MAP3K10: variants seen among roughly 807,000 people sequenced by gnomAD.
MAP3K10 encodes MKN28 derived nonreceptor_type serine/threonine kinase.
Under a neutral mutation model 75.0 loss-of-function variants are expected in MAP3K10, and 22 were observed. That is an observed-to-expected ratio of 0.29 (90% CI 0.21 to 0.42). MAP3K10 has a LOEUF of 0.42. Ranked by LOEUF, MAP3K10 falls within the 10% of genes least tolerant of loss-of-function variation. The pLI, the probability that MAP3K10 is intolerant of heterozygous loss-of-function variation, is 1.00. For synonymous variants in MAP3K10, 599 were observed against 612.9 expected (o/e 0.98, Z 0.34); for missense variants, 1,165 against 1,379.8 (o/e 0.84, Z 2.47).
chr19:40,196,338 C>T (rs1392325710), intron 1 of MAP3K10, among the ~76,000 whole-genome samples: 1 of 152,142 alleles, frequency 6.6e-6, no homozygotes, highest in African/African-American at 2.4e-5. Flanking sequence ...TTCTGAGCCT[C>T]TGTTAGCTAG....
chr19:40,215,326 G>A lies in MAP3K10; in HGVS notation c.*34G>A, dbSNP rs766677910. On this transcript the variant is annotated 3_prime_UTR_variant, in exon 10 of 10. Transcript: ENST00000253055. The stretch of plus-strand genomic sequence containing the variant: ...CACCACCGCCCGCCTGGGCAGCCAT[G>A]AATGTAGCGCCCCAGGCCCTGCCCC... The A allele has an allele frequency of 1.3e-6, 2 of 1,509,962 alleles. No homozygotes were observed. The highest frequency in any genetic ancestry group is 2.5e-5 in the South Asian group (2 of 80,198). The allele number at this position is 1,509,962 out of a possible 1,614,324, so 93.5% of individuals were successfully genotyped here. A position where few individuals can be genotyped will look rare whatever the true frequency, so the allele number is the denominator to read the frequency against.
chr19:40,206,281 T>C, intron 5 of MAP3K10, 124 bp downstream of exon 5: 1 of 1,244,122 alleles, frequency 8.0e-7, no homozygotes. Flanking sequence ...ACATAGTCAG[T>C]GATCAGCCCA....
chr19:40,212,738 C>T lies in MAP3K10; in HGVS notation c.1553-67C>T, dbSNP rs1239127032. The T allele has an allele frequency of 4.5e-6, 7 of 1,547,292 alleles. No homozygotes were observed. In the East Asian group the frequency reaches 1.7e-4, roughly 37 times the overall value. Reference sequence around the variant, plus strand: ...GGAGGGTGGGCCTGAGCTGGGGGCACTGGAGGCTGGGAGCCCAGTGGGGAC... The same window carrying T: ...GGAGGGTGGGCCTGAGCTGGGGGCATTGGAGGCTGGGAGCCCAGTGGGGAC... On this transcript the variant is annotated intron_variant, in intron 6 of 9. Transcript: ENST00000253055. This position sits in a 1 kb window ranked among gnomAD's most constrained non-coding sequence, Gnocchi z 4.2.
At chr19:40,203,595 C>T (rs1456835224) in intron 2 of MAP3K10, among the ~76,000 whole-genome samples, 1 of 152,242 alleles carries the variant, frequency 6.6e-6, no homozygotes, top group Non-Finnish European at 1.5e-5. Flanking sequence ...TGACCTTGGG[C>T]AAGCCCCTTA....
At position 40,191,763 on chromosome 19, in the gene MAP3K10, A is replaced by T; in HGVS notation, c.-269A>T. The T allele has an allele frequency of 2.8e-6, 1 of 352,060 alleles. No individual in the cohort carries two copies. The highest frequency in any genetic ancestry group is 5.1e-6 in the Non-Finnish European group (1 of 196,922). The allele number at this position is 352,060 out of a possible 1,614,324, so 21.8% of individuals were successfully genotyped here. On this transcript the variant is annotated 5_prime_UTR_variant, in exon 1 of 10. It removes the in-frame stop codon of an upstream open reading frame in the 5' UTR. Coordinates refer to ENST00000253055, the MANE Select transcript of MAP3K10 (RefSeq NM_002446.4). ...GAGAGCCGCGCGGCCAGGCCCTCTT[A>T]GCCCTCTGCCGTTTGGGGGGCACGG...
At position 40,215,320 on chromosome 19, in the gene MAP3K10, A is replaced by G; in HGVS notation, c.*28A>G. On this transcript the variant is annotated 3_prime_UTR_variant, in exon 10 of 10. Coordinates refer to ENST00000253055, the MANE Select transcript of MAP3K10 (RefSeq NM_002446.4). ...CCTGCCCACCACCGCCCGCCTGGGC[A>G]GCCATGAATGTAGCGCCCCAGGCCC... is the stretch of plus-strand genomic sequence containing the variant. 1 of 1,520,324 alleles carries G rather than the reference A, an allele frequency of 6.6e-7. No individual in the cohort carries two copies. 94.2% of individuals were successfully genotyped at this position (1,520,324 alleles called of 1,614,324 possible).
intron 9 of MAP3K10, among the ~76,000 whole-genome samples, chr19:40,214,709 C>A (rs996282808): frequency 9.2e-5 from 14 of 152,212 alleles, no homozygotes; most frequent in African/African-American, 3.4e-4. Flanking sequence ...AGGGCTTTGG[C>A]CCCCGAGGCT....
In MAP3K10 at chr19:40,212,926, G is replaced by T. The variant is rs375485459; in HGVS notation, c.1674G>T (p.Thr558=). The stretch of plus-strand genomic sequence containing the variant: ...TCGGGGGCAAGAAGAAGGGACGAAC[G>T]TGGGGGCCCAGCTCCACCCTGCAGA... ...ELVGGKKKGR[T]WGPSSTLQKE... is the part of the protein sequence containing the mutation. The change falls in exon 7 of 10, where the codon ACG becomes ACT. Residue 558 remains threonine, a synonymous_variant. Coordinates refer to ENST00000253055, the MANE Select transcript of MAP3K10 (RefSeq NM_002446.4). This position sits in a 1 kb window ranked among gnomAD's most constrained non-coding sequence, Gnocchi z 4.2. 2 of 1,612,616 alleles carry T rather than the reference G, an allele frequency of 1.2e-6. No homozygotes were observed. Among genetic ancestry groups the T allele is most frequent in the African/African-American group, 1.3e-5 (1 of 74,920 alleles).
Position 40,214,095 on chromosome 19 carries a change from C to T in MAP3K10, c.2416C>T (p.Pro806Ser), listed in dbSNP as rs1018151991. 2 of 1,566,172 alleles carry T rather than the reference C, an allele frequency of 1.3e-6. No homozygotes were observed. Among genetic ancestry groups the T allele is most frequent in the Non-Finnish European group, 1.7e-6 (2 of 1,164,332 alleles). ...GGAGCTGGAGAGCTTCAAGAAGGACCCCCGCCAGTCGCTCACGCCCACCCA... is the reference window on the plus strand; with the variant it reads ...GGAGCTGGAGAGCTTCAAGAAGGACTCCCGCCAGTCGCTCACGCCCACCCA... ...DLELESFKKD[P>S]RQSLTPTHVT... The change falls in exon 9 of 10, where the codon CCC becomes TCC. Residue 806 changes from proline to serine, a missense_variant. Pro to Ser is a moderately conservative substitution (Grantham distance 74). Transcript: ENST00000253055.
Position 40,214,094 on chromosome 19 carries a change from C to A in MAP3K10, c.2415C>A (p.Asp805Glu). The change falls in exon 9 of 10, where the codon GAC (aspartate) becomes GAA (glutamate). Residue 805 changes from aspartate to glutamate, a missense_variant. Physicochemically the swap from Asp to Glu is conservative, Grantham distance 45 (BLOSUM62 2). Transcript: ENST00000253055. ...VDLELESFKK[D>E]PRQSLTPTHV... ...TGGAGCTGGAGAGCTTCAAGAAGGA[C>A]CCCCGCCAGTCGCTCACGCCCACCC... 1.3e-6 allele frequency: 2 copies of A among 1,563,756 alleles called. No homozygotes were observed. The highest frequency in any genetic ancestry group is 1.7e-6 in the Non-Finnish European group (2 of 1,163,036).
chr19:40,210,049 C>T (rs1219846705), intron 6 of MAP3K10, among the ~76,000 whole-genome samples: 3 of 151,578 alleles, frequency 2.0e-5, no homozygotes, highest in Non-Finnish European at 4.4e-5. Flanking sequence ...AGGCGGATCA[C>T]GAGGTCAGGA....
At chr19:40,202,836 C>T (rs1274730835) in intron 2 of MAP3K10, among the ~76,000 whole-genome samples, 1 of 152,100 alleles carries the variant, frequency 6.6e-6, no homozygotes, top group Non-Finnish European at 1.5e-5. Flanking sequence ...TACACCCCCT[C>T]CTACATCCCA....
intron 1 of MAP3K10, among the ~76,000 whole-genome samples, chr19:40,197,892 C>T (rs1972939766): frequency 6.6e-6 from 1 of 151,924 alleles, no homozygotes; most frequent in Non-Finnish European, 1.5e-5. Context: ...AGTGCAATGG[C>T]AAGACCATGG....
chr19:40,192,783 C>A lies in MAP3K10; in HGVS notation c.682+70C>A. The A allele has an allele frequency of 8.0e-7, 1 of 1,253,934 alleles. No homozygotes were observed. The highest frequency in any genetic ancestry group is 1.1e-6 in the Non-Finnish European group (1 of 927,966). The allele number at this position is 1,253,934 out of a possible 1,614,324, so 77.7% of individuals were successfully genotyped here. A position where few individuals can be genotyped will look rare whatever the true frequency, so the allele number is the denominator to read the frequency against. ...AAGGCCAGGCCTAGGTGGTGGGAAA[C>A]AGGGTGAGGGACACCAGATGACACT... On this transcript the variant is annotated intron_variant, in intron 1 of 9. Transcript: ENST00000253055. The surrounding 1 kb of genome is among the most constrained non-coding windows in gnomAD (Gnocchi z 7.1).
At chr19:40,203,542 G>A (rs1973063910) in intron 2 of MAP3K10, among the ~76,000 whole-genome samples, 1 of 152,176 alleles carries the variant, frequency 6.6e-6, no homozygotes, top group East Asian at 1.9e-4. Context: ...TGGGCAGCAG[G>A]CAGACCTGAG....
chr19:40,193,364 GAATTA>G (rs1014921406), intron 1 of MAP3K10, among the ~76,000 whole-genome samples: 13 of 152,216 alleles, frequency 8.5e-5, no homozygotes, highest in African/African-American at 3.1e-4. Context: ...GATGAGGGAG[GAATTA>G]AATTGATGTG....
chr19:40,198,487 G>T lies in MAP3K10; in HGVS notation c.795G>T (p.Gly265=), dbSNP rs185792702. The T allele has an allele frequency of 1.2e-6, 2 of 1,614,190 alleles. No homozygotes were observed. Among genetic ancestry groups the T allele is most frequent in the East Asian group, 4.5e-5 (2 of 44,880 alleles). The change falls in exon 2 of 10, where the codon GGG becomes GGT. Residue 265 remains glycine, a synonymous_variant. Transcript: ENST00000253055. The surrounding 1 kb of genome is among the most constrained non-coding windows in gnomAD (Gnocchi z 4.3). The part of the protein sequence containing the change: ...WHKTTKMSAA[G]TYAWMAPEVI... ...AGACCACCAAGATGAGCGCTGCGGG[G>T]ACCTACGCCTGGATGGCGCCGGAGG...
In MAP3K10 at chr19:40,198,798, G is replaced by T. The variant is rs563626895; in HGVS notation, c.863+243G>T. On this transcript the variant is annotated intron_variant, in intron 2 of 9. Coordinates refer to ENST00000253055, the MANE Select transcript of MAP3K10 (RefSeq NM_002446.4). The surrounding 1 kb of genome is among the most constrained non-coding windows in gnomAD (Gnocchi z 4.3). The stretch of plus-strand genomic sequence containing the variant: ...GATCTAGAGACAAGGCCGGGCGCGG[G>T]GGCGCACACCTGTAATCCCAGCACT... Among the ~76,000 whole-genome samples the T allele has an allele frequency of 4.9e-4, 75 of 152,368 alleles. No individual in the cohort carries two copies. Among genetic ancestry groups the T allele is most frequent in the African/African-American group, 1.7e-3 (71 of 41,594 alleles).
intron 2 of MAP3K10, among the ~76,000 whole-genome samples, chr19:40,201,492 CTTTT>C (rs36045799): frequency 3.5e-5 from 4 of 113,350 alleles, no homozygotes; most frequent in Non-Finnish European, 5.4e-5. Context: ...CGCACCCAGC[CTTTT>C]TTTTTTTTTT....
Sources: allele counts gnomAD v4.1 joint callset (sites outside exome capture counted in the v4.1 genomes callset), GRCh38; gene constraint gnomAD v4.1.1; non-coding constraint Gnocchi (gnomAD v3.1); transcripts MANE v1.5; gene names NCBI Gene and HGNC (gene_info 2026-07-23, HGNC 2026-07-21).